The following TLE3 variants were observed in gnomAD, a reference collection of about 807,000 sequenced individuals.
TLE3 encodes transducin-like enhancer protein 3.
In TLE3, 14 loss-of-function variants were observed where a neutral mutation model predicts 93.0. The ratio of observed to expected loss-of-function variants is 0.15; its 90% CI spans 0.10 to 0.24. TLE3 has a LOEUF of 0.24. Among genes scored for constraint, TLE3 ranks in the 10% least tolerant of loss-of-function variants. TLE3 has a pLI of 1.00. For missense variants in TLE3, 693 were observed against 1,046.6 expected (o/e 0.66, Z 4.66); for synonymous variants, 451 against 425.0 (o/e 1.06, Z -0.75).
intron 8 of TLE3, among the ~76,000 whole-genome samples, chr15:70,063,440 G>A (rs1160362482): frequency 3.3e-5 from 5 of 152,168 alleles, no homozygotes; most frequent in African/African-American, 7.2e-5. Flanking sequence ...AAGAGGCCAC[G>A]GACGCCAGCC....
At chr15:70,078,129 A>G (rs147166935) in intron 4 of TLE3, among the ~76,000 whole-genome samples, 76 of 152,360 alleles carry the variant, frequency 5.0e-4, no homozygotes, top group African/African-American at 1.8e-3. Flanking sequence ...GGATTACTAA[A>G]TAATCATTAT....
chr15:70,054,709 G>A (rs1197500305), intron 15 of TLE3, 24 bp from the exon 16 acceptor site: 1 of 1,551,838 alleles, frequency 6.4e-7, no homozygotes, highest in Non-Finnish European at 8.7e-7. Flanking sequence ...GGGCAGGGCT[G>A]AGTGCTGCCT....
At position 70,066,134 on chromosome 15, in the gene TLE3, G is replaced by C; in HGVS notation, c.457C>G (p.Pro153Ala). Residue 153 changes from proline (P) to alanine (A), a missense_variant, in exon 7 of 20, where the codon CCT becomes GCT. Pro to Ala is a conservative substitution (Grantham distance 27, BLOSUM62 -1). This residue lies in a region of TLE3 where 405 missense variants were observed against 468.9 expected (regional missense o/e 0.86). Coordinates refer to ENST00000451782, the MANE Select transcript of TLE3 (RefSeq NM_001105192.3). ...CCTGTCACTGGGGGGATTCCTGGAGGCTGGAGACCTGACGGGTGGGGTGGC... is the reference window on the plus strand; with the variant it reads ...CCTGTCACTGGGGGGATTCCTGGAGCCTGGAGACCTGACGGGTGGGGTGGC... Reference protein sequence around the residue: ...QLPPHPSGLQPPGIPPVTGSS... With the variant: ...QLPPHPSGLQAPGIPPVTGSS... The C allele has an allele frequency of 6.4e-7, 1 of 1,556,862 alleles. No individual in the cohort carries two copies. The highest frequency in any genetic ancestry group is 8.7e-7 in the Non-Finnish European group (1 of 1,150,400).
chr15:70,065,255 C>G (rs1424458358), intron 7 of TLE3, among the ~76,000 whole-genome samples: 1 of 152,252 alleles, frequency 6.6e-6, no homozygotes, highest in African/African-American at 2.4e-5. Context: ...GTGCATTTGG[C>G]ACCAATTTTT....
At chr15:70,064,176 C>T (rs2056671126) in intron 8 of TLE3, among the ~76,000 whole-genome samples, 1 of 152,238 alleles carries the variant, frequency 6.6e-6, no homozygotes. Context: ...GAAGGTCACT[C>T]TCAACAGGTG....
chr15:70,079,766 C>T (rs974173387), intron 4 of TLE3, among the ~76,000 whole-genome samples: 1 of 151,918 alleles, frequency 6.6e-6, no homozygotes, highest in Non-Finnish European at 1.5e-5. Flanking sequence ...CAGTAATGAC[C>T]GCTGATATCA....
Position 70,079,301 on chromosome 15 carries a change from G to A in TLE3, c.235-3143C>T, listed in dbSNP as rs2937279. 318 of 474,006 alleles carry A rather than the reference G, an allele frequency of 6.7e-4. 5 individuals are homozygous for A. The highest frequency in any genetic ancestry group is 3.6e-3 in the South Asian group (234 of 65,246). 29.4% of individuals were successfully genotyped at this position (474,006 alleles called of 1,614,324 possible). ...GTCTTTCCTGAGGCCCATGTTCGAC[G>A]AAGAGAGGCCTCTCTGCAAGGCAGG... is the stretch of plus-strand genomic sequence containing the variant. On this transcript the variant is annotated intron_variant, in intron 4 of 19. Coordinates refer to ENST00000451782, the MANE Select transcript of TLE3 (RefSeq NM_001105192.3).
Position 70,066,192 on chromosome 15 carries a change from G to T in TLE3, c.399C>A (p.Leu133=). 6.5e-7 allele frequency: 1 copy of T among 1,543,118 alleles called. No homozygotes were observed. Among genetic ancestry groups the T allele is most frequent in the Non-Finnish European group, 8.7e-7 (1 of 1,146,042 alleles). ...IGQQQLQAQH[L]SHATHGPPVQ... is the part of the protein sequence containing the mutation. The stretch of plus-strand genomic sequence containing the variant: ...CCGGGGGGCCGTGTGTGGCATGGGA[G>T]AGGTGCTGCGCCTGGAGCTGCTGCT... Residue 133 remains leucine (L), a synonymous_variant, in exon 7 of 20, where the codon CTC becomes CTA. Transcript: ENST00000451782.
chr15:70,094,731 G>A (rs2058467402), intron 3 of TLE3, 155 bp from the exon 4 acceptor site: 1 of 620,982 alleles, frequency 1.6e-6, no homozygotes, highest in Non-Finnish European at 2.9e-6. Context: ...CTTACAGAGC[G>A]GTTTAAGAGC....
intron 7 of TLE3, among the ~76,000 whole-genome samples, chr15:70,065,808 C>T (rs535236566): frequency 5.4e-4 from 82 of 152,306 alleles, no homozygotes; most frequent in Non-Finnish European, 1.5e-5. Flanking sequence ...ACAGAGAATA[C>T]CAGGTCCACA....
In TLE3 at chr15:70,097,209, G is replaced by A; in HGVS notation, c.-411C>T. ...CTGGGGCGAGCTCGGGCCCCCTCCG[G>A]GTCACTCAGCGGGTCGCGCCTGTAG... On this transcript the variant is annotated 5_prime_UTR_variant, in exon 1 of 20. Transcript: ENST00000451782. The A allele has an allele frequency of 1.2e-5, 5 of 407,066 alleles. No individual in the cohort carries two copies. Among genetic ancestry groups the A allele is most frequent in the Non-Finnish European group, 2.1e-5 (5 of 233,202 alleles). The allele number at this position is 407,066 out of a possible 1,614,324, so 25.2% of individuals were successfully genotyped here.
At chr15:70,083,082 C>T (rs142151632) in intron 4 of TLE3, among the ~76,000 whole-genome samples, 1 of 152,276 alleles carries the variant, frequency 6.6e-6, no homozygotes, top group African/African-American at 2.4e-5. Flanking sequence ...TGCACTTGGG[C>T]CTCAGTTTCC....
chr15:70,060,584 G>A lies in TLE3; in HGVS notation c.660C>T (p.Tyr220=). The change falls in exon 9 of 20, where the codon TAC becomes TAT. Residue 220 remains tyrosine, a synonymous_variant. Transcript: ENST00000451782. ...ASEKHRGSAD[Y]SMEAKKRKAE... The stretch of plus-strand genomic sequence containing the variant: ...CCTTCCGCTTCTTGGCTTCCATGCT[G>A]TAGTCCGCAGAGCCCCGGTGCTTCT... 1.2e-6 allele frequency: 2 copies of A among 1,614,036 alleles called. No individual in the cohort carries two copies. Among genetic ancestry groups the A allele is most frequent in the Non-Finnish European group, 1.7e-6 (2 of 1,179,892 alleles).
chr15:70,065,742 A>G (rs1015329175), intron 7 of TLE3, among the ~76,000 whole-genome samples: 21 of 152,344 alleles, frequency 1.4e-4, no homozygotes, highest in African/African-American at 5.0e-4. Flanking sequence ...AAGGACAGGC[A>G]AGGGTGTTGT....
intron 6 of TLE3, among the ~76,000 whole-genome samples, chr15:70,069,149 G>A (rs1439292029): frequency 6.6e-6 from 1 of 152,224 alleles, no homozygotes; most frequent in Non-Finnish European, 1.5e-5. Flanking sequence ...ACCTCTAACA[G>A]TGCCTGGCAT....
chr15:70,097,909 A>C lies in TLE3; in HGVS notation c.-1111T>G. On this transcript the variant is annotated 5_prime_UTR_variant, in exon 1 of 20. Transcript: ENST00000451782. ...TGAACTGCCGCGAGAGCAGTTCCAAATAGGGACTGAAAAGTAACAAAATAA... is the reference window on the plus strand; with the variant it reads ...TGAACTGCCGCGAGAGCAGTTCCAACTAGGGACTGAAAAGTAACAAAATAA... 2 of 245,932 alleles carry C rather than the reference A, an allele frequency of 8.1e-6. No homozygotes were observed. Among genetic ancestry groups the C allele is most frequent in the Non-Finnish European group, 1.6e-5 (2 of 128,684 alleles). The allele number at this position is 245,932 out of a possible 1,614,324, so 15.2% of individuals were successfully genotyped here. A position where few individuals can be genotyped will look rare whatever the true frequency, so the allele number is the denominator to read the frequency against.
chr15:70,097,519 T>A lies in TLE3; in HGVS notation c.-721A>T, dbSNP rs940806860. Reference sequence around the variant, plus strand: ...GGGGAGGAACTCCGGGCTCAGTAGGTGCAAATCAAACGCCCTGGCATCCTA... The same window carrying A: ...GGGGAGGAACTCCGGGCTCAGTAGGAGCAAATCAAACGCCCTGGCATCCTA... On this transcript the variant is annotated 5_prime_UTR_variant, in exon 1 of 20. Transcript: ENST00000451782. 4.5e-5 allele frequency: 18 copies of A among 401,460 alleles called. No individual in the cohort carries two copies. The highest frequency in any genetic ancestry group is 7.5e-5 in the Non-Finnish European group (17 of 227,874). The allele number at this position is 401,460 out of a possible 1,614,324, so 24.9% of individuals were successfully genotyped here. A position where few individuals can be genotyped will look rare whatever the true frequency, so the allele number is the denominator to read the frequency against.
intron 4 of TLE3, among the ~76,000 whole-genome samples, chr15:70,089,799 G>A (rs1367430606): frequency 1.3e-5 from 2 of 152,134 alleles, no homozygotes; most frequent in African/African-American, 4.8e-5. Context: ...CACGTAGAAA[G>A]CAAAAGGAGA....
At chr15:70,062,231 C>T (rs1352371634) in intron 8 of TLE3, among the ~76,000 whole-genome samples, 1 of 152,210 alleles carries the variant, frequency 6.6e-6, no homozygotes. Context: ...GGTGGCGATG[C>T]GCGCACAGCC....
Sources: allele counts gnomAD v4.1 joint callset (sites outside exome capture counted in the v4.1 genomes callset), GRCh38; gene constraint gnomAD v4.1.1; regional missense constraint gnomAD v4.1.1; transcripts MANE v1.5; gene names NCBI Gene and HGNC (gene_info 2026-07-23, HGNC 2026-07-21).